NDUFA10: variants seen among roughly 807,000 people sequenced by gnomAD.
The protein encoded by NDUFA10 is NADH dehydrogenase [ubiquinone] 1 alpha subcomplex subunit 10, mitochondrial.
A neutral mutation model predicts 47.8 loss-of-function variants in NDUFA10; 40 were observed. That is an observed-to-expected ratio of 0.84 (90% CI 0.65 to 1.09). The LOEUF is 1.09. Ranked by LOEUF, NDUFA10 falls within the 50% of genes least tolerant of loss-of-function variation. The pLI, the probability that NDUFA10 is intolerant of heterozygous loss-of-function variation, is 0.00. For missense variants in NDUFA10, 413 were observed against 451.1 expected (o/e 0.92, Z 0.76); for synonymous variants, 183 against 172.2 (o/e 1.06, Z -0.49).
At position 239,913,072 on chromosome 2, in the gene NDUFA10, T is replaced by G. The variant is rs28636026; in HGVS notation, c.295-17758A>C. On this transcript the variant is annotated intron_variant, in intron 4 of 5. Transcript: ENST00000419408. ...CCCCACCTCTGCCACTCGGGGCCAC[T>G]GCTGAGTGGGGCTGTAGGATAACCA... Among the ~76,000 whole-genome samples the G allele has an allele frequency of 8.8e-3, 1,337 of 152,296 alleles. 20 individuals carry two copies. Among genetic ancestry groups the G allele is most frequent in the African/African-American group, 0.031 (1,277 of 41,550 alleles).
At chr2:239,951,893 C>CAT (rs1244696209) in intron 4 of NDUFA10, among the ~76,000 whole-genome samples, 3 of 152,374 alleles carry the variant, frequency 2.0e-5, no homozygotes, top group South Asian at 4.1e-4. Flanking sequence ...CCCAGGAACA[C>CAT]GAGGGCCCTG....
intron 8 of NDUFA10, among the ~76,000 whole-genome samples, chr2:240,004,635 T>A (rs767343946): frequency 3.4e-5 from 5 of 147,044 alleles, no homozygotes; most frequent in South Asian, 2.1e-4. Flanking sequence ...TCCATTCCGC[T>A]GTGGCCTCCC....
In NDUFA10 at chr2:240,016,279, G is replaced by T. The variant is rs1358300164; in HGVS notation, c.548-1419C>A. Among the ~76,000 whole-genome samples the T allele has an allele frequency of 1.3e-5, 2 of 152,178 alleles. No individual in the cohort carries two copies. Among genetic ancestry groups the T allele is most frequent in the African/African-American group, 2.4e-5 (1 of 41,436 alleles). ...ACCCGCAGCCAGGCAGAGCACACGGGACCTCGGGTCTGCTTCCTGACTGCT... is the reference window on the plus strand; with the variant it reads ...ACCCGCAGCCAGGCAGAGCACACGGTACCTCGGGTCTGCTTCCTGACTGCT... On this transcript the variant is annotated intron_variant, in intron 4 of 9. Coordinates refer to ENST00000252711, the MANE Select transcript of NDUFA10 (RefSeq NM_004544.4). This position sits in a 1 kb window ranked among gnomAD's most constrained non-coding sequence, Gnocchi z 4.4.
At chr2:239,899,001 GAGGTGT>G (rs1693464623) in intron 4 of NDUFA10, among the ~76,000 whole-genome samples, 1 of 115,138 alleles carries the variant, frequency 8.7e-6, no homozygotes. Flanking sequence ...GTGTGATGGA[GAGGTGT>G]GATGGAGGGG....
intron 4 of NDUFA10, among the ~76,000 whole-genome samples, chr2:239,951,677 C>T (rs916841466): frequency 6.6e-6 from 1 of 152,198 alleles, no homozygotes; most frequent in African/African-American, 2.4e-5. Flanking sequence ...TAGGAAGACT[C>T]TAATGGCAAG....
intron 4 of NDUFA10, among the ~76,000 whole-genome samples, chr2:239,926,254 A>G (rs1006151924): frequency 1.3e-5 from 2 of 152,220 alleles, no homozygotes; most frequent in Admixed American, 1.3e-4. Flanking sequence ...ATTTCCTTCA[A>G]TGGGTGAATG....
chr2:239,908,041 T>G (rs547726535), intron 4 of NDUFA10, among the ~76,000 whole-genome samples: 1 of 152,182 alleles, frequency 6.6e-6, no homozygotes, highest in Non-Finnish European at 1.5e-5. Flanking sequence ...ATGTGGTACA[T>G]ATACACCATG....
chr2:239,984,158 G>A (rs1695906507), intron 9 of NDUFA10, among the ~76,000 whole-genome samples: 2 of 151,942 alleles, frequency 1.3e-5, no homozygotes, highest in South Asian at 2.1e-4. Context: ...GCTTAAACCC[G>A]GGAGGTGGAG....
At chr2:239,976,819 G>A (rs1027557507) in intron 9 of NDUFA10, among the ~76,000 whole-genome samples, 2 of 152,160 alleles carry the variant, frequency 1.3e-5, no homozygotes, top group African/African-American at 4.8e-5. Context: ...GCTCAGAGTG[G>A]CCCTAGGAAG....
chr2:239,911,235 C>A (rs1305241234), intron 4 of NDUFA10, among the ~76,000 whole-genome samples: 1 of 152,182 alleles, frequency 6.6e-6, no homozygotes, highest in Non-Finnish European at 1.5e-5. Flanking sequence ...TGGCTCACAC[C>A]CTGACCTGGG....
downstream of NDUFA10, among the ~76,000 whole-genome samples, chr2:239,952,673 T>G (rs1049285755): frequency 5.9e-5 from 9 of 152,188 alleles, no homozygotes; most frequent in Admixed American, 1.3e-4. Flanking sequence ...GGAGACCACC[T>G]GTCACCACAC....
intron 9 of NDUFA10, among the ~76,000 whole-genome samples, chr2:239,963,620 T>C (rs1694944699): frequency 6.6e-6 from 1 of 152,206 alleles, no homozygotes; most frequent in East Asian, 1.9e-4. Context: ...TCCGGTCTGC[T>C]TATAGAATAT....
intron 9 of NDUFA10, chr2:239,982,156 T>C (rs1003968830): frequency 3.3e-5 from 54 of 1,612,688 alleles, no homozygotes; most frequent in Non-Finnish European, 4.0e-5. Flanking sequence ...CAAAGACCAG[T>C]GAGAAGCACT....
intron 4 of NDUFA10, among the ~76,000 whole-genome samples, chr2:239,910,982 G>A (rs114595836): frequency 0.022 from 3,392 of 152,284 alleles, 133 homozygotes; most frequent in African/African-American, 0.078. Context: ...CTGCAGCCCA[G>A]CCACCCCACC....
At chr2:239,896,739 C>T (rs867332759) in intron 4 of NDUFA10, among the ~76,000 whole-genome samples, 9 of 152,164 alleles carry the variant, frequency 5.9e-5, no homozygotes, top group East Asian at 3.9e-4. Context: ...GTCGTGGTTA[C>T]GTGGGGAAAA....
At chr2:239,895,785 T>G (rs1297936324) in intron 4 of NDUFA10, among the ~76,000 whole-genome samples, 3 of 152,216 alleles carry the variant, frequency 2.0e-5, no homozygotes, top group African/African-American at 4.8e-5. Context: ...ACAGTGGAAG[T>G]GCTGTGCAAA....
chr2:239,963,104 G>A (rs2106396640), intron 9 of NDUFA10, among the ~76,000 whole-genome samples: 1 of 152,256 alleles, frequency 6.6e-6, no homozygotes, highest in Admixed American at 6.5e-5. Context: ...GATACAGTGT[G>A]GATACAGACG....
chr2:239,941,821 T>C (rs1407923269), intron 4 of NDUFA10, among the ~76,000 whole-genome samples: 1 of 152,188 alleles, frequency 6.6e-6, no homozygotes, highest in Non-Finnish European at 1.5e-5. Flanking sequence ...AACAACATCC[T>C]GATATTTTTA....
chr2:240,012,858 C>A (rs1697194737), intron 5 of NDUFA10: 1 of 152,188 alleles, frequency 6.6e-6, no homozygotes, highest in South Asian at 2.1e-4. Flanking sequence ...TGGGCAGAGA[C>A]CATCTTTGTT....
Sources: gnomAD v4.1 joint callset for allele counts (sites outside exome capture counted in the v4.1 genomes callset) on GRCh38, gnomAD v4.1.1 for gene constraint, Gnocchi (gnomAD v3.1) non-coding constraint, MANE v1.5 for transcripts, NCBI Gene and HGNC (gene_info 2026-07-23, HGNC 2026-07-21) for gene names.